The following ENTREP2 variants were observed in gnomAD, a reference collection of about 807,000 sequenced individuals.
The protein encoded by ENTREP2 is protein ENTREP2.
the ENTREP2 span, among the ~76,000 whole-genome samples, chr15:29,399,137 C>A: frequency 2.0e-5 from 3 of 152,332 alleles, no homozygotes; most frequent in African/African-American, 4.8e-5. Context: ...CTGAGTCACA[C>A]AACCCCCAAA....
At chr15:29,320,964 A>T in the ENTREP2 span, among the ~76,000 whole-genome samples, 2 of 152,232 alleles carry the variant, frequency 1.3e-5, no homozygotes, top group African/African-American at 2.4e-5. Context: ...GGAATAGATG[A>T]CACATCTAAA....
At chr15:29,600,612 T>C in the ENTREP2 span, among the ~76,000 whole-genome samples, 1 of 152,150 alleles carries the variant, frequency 6.6e-6, no homozygotes, top group African/African-American at 2.4e-5. Flanking sequence ...TATCATATCA[T>C]GATGTCTTAT....
chr15:29,471,631 G>A, the ENTREP2 span, among the ~76,000 whole-genome samples: 2 of 152,282 alleles, frequency 1.3e-5, no homozygotes, highest in South Asian at 2.1e-4. Flanking sequence ...ACGGCAGCAC[G>A]GGGGCCAAGG....
the ENTREP2 span, among the ~76,000 whole-genome samples, chr15:29,302,829 G>A: frequency 6.6e-6 from 1 of 152,082 alleles, no homozygotes; most frequent in Admixed American, 6.5e-5. Flanking sequence ...TTTACCTATT[G>A]TTTATTCTCC....
the ENTREP2 span, among the ~76,000 whole-genome samples, chr15:29,214,016 G>C: frequency 6.4e-5 from 9 of 140,684 alleles, no homozygotes; most frequent in Non-Finnish European, 1.3e-4. Context: ...TTAGAATGGC[G>C]ATCATTAAAA....
At chr15:29,182,186 G>C in the ENTREP2 span, among the ~76,000 whole-genome samples, 1 of 151,018 alleles carries the variant, frequency 6.6e-6, no homozygotes, top group Non-Finnish European at 1.5e-5. Flanking sequence ...CTGCAGTGGC[G>C]CTATCTCAGC....
the ENTREP2 span, among the ~76,000 whole-genome samples, chr15:29,528,095 T>G: frequency 4.6e-5 from 7 of 152,224 alleles, no homozygotes; most frequent in South Asian, 1.0e-3. Context: ...TCCATGATCC[T>G]TGCCCTGGGG....
the ENTREP2 span, among the ~76,000 whole-genome samples, chr15:29,533,846 C>T: frequency 8.9e-4 from 135 of 152,202 alleles, 1 homozygote; most frequent in African/African-American, 3.2e-3. Context: ...GGAAATACCA[C>T]TCATGCCTGC....
the ENTREP2 span, among the ~76,000 whole-genome samples, chr15:29,371,958 ACAAT>A: frequency 6.6e-6 from 1 of 152,160 alleles, no homozygotes; most frequent in Non-Finnish European, 1.5e-5. Context: ...ATAAAGAGAT[ACAAT>A]CAAAGAATTA....
chr15:29,259,995 C>T, the ENTREP2 span, among the ~76,000 whole-genome samples: 1 of 152,100 alleles, frequency 6.6e-6, no homozygotes, highest in Admixed American at 6.5e-5. Flanking sequence ...CTTTGTGTAT[C>T]TCTGGCAGAA....
chr15:29,665,940 G>A, the ENTREP2 span, among the ~76,000 whole-genome samples: 4 of 144,728 alleles, frequency 2.8e-5, no homozygotes, highest in African/African-American at 1.0e-4. Context: ...TACAACCTTC[G>A]CCTCCCGGGT....
At chr15:29,434,814 A>G in the ENTREP2 span, among the ~76,000 whole-genome samples, 1 of 152,154 alleles carries the variant, frequency 6.6e-6, no homozygotes, top group Non-Finnish European at 1.5e-5. Context: ...TTAGACGGTG[A>G]AAAAAGTCTT....
chr15:29,223,119 A>G, the ENTREP2 span, among the ~76,000 whole-genome samples: 9 of 152,200 alleles, frequency 5.9e-5, no homozygotes, highest in African/African-American at 1.9e-4. Flanking sequence ...CTGACTGGTC[A>G]CCTGACGGCC....
chr15:29,628,419 T>C, the ENTREP2 span, among the ~76,000 whole-genome samples: 4 of 152,198 alleles, frequency 2.6e-5, no homozygotes, highest in Admixed American at 1.3e-4. Flanking sequence ...TGTGAAGGTT[T>C]GTTTTTTATG....
At chr15:29,135,561 C>CT in the ENTREP2 span, among the ~76,000 whole-genome samples, 2 of 152,202 alleles carry the variant, frequency 1.3e-5, no homozygotes, top group African/African-American at 4.8e-5. This position sits in a 1 kb window ranked among gnomAD's most constrained non-coding sequence, Gnocchi z 7.4. Flanking sequence ...AAAAGGGTGA[C>CT]TGACTTGCTG....
the ENTREP2 span, among the ~76,000 whole-genome samples, chr15:29,215,576 TAATA>T: frequency 8.8e-6 from 1 of 113,576 alleles, no homozygotes; most frequent in African/African-American, 3.2e-5. Flanking sequence ...CAAATATATA[TAATA>T]TATATATATA....
the ENTREP2 span, among the ~76,000 whole-genome samples, chr15:29,392,922 A>C: frequency 1.7e-3 from 261 of 152,320 alleles, 1 homozygote; most frequent in African/African-American, 5.9e-3. Flanking sequence ...TTGTCTCTGC[A>C]CTGTGTCTAA....
the ENTREP2 span, among the ~76,000 whole-genome samples, chr15:29,200,900 A>G: frequency 6.6e-6 from 1 of 152,098 alleles, no homozygotes; most frequent in African/African-American, 2.4e-5. Flanking sequence ...AAATGGACAT[A>G]TTTACTACAT....
At chr15:29,246,737 C>T in the ENTREP2 span, among the ~76,000 whole-genome samples, 1 of 151,908 alleles carries the variant, frequency 6.6e-6, no homozygotes, top group Non-Finnish European at 1.5e-5. Flanking sequence ...TTCATTTTAG[C>T]AAAAGACTAG....
Sources: allele counts gnomAD v4.1 joint callset (sites outside exome capture counted in the v4.1 genomes callset), GRCh38; gene constraint gnomAD v4.1.1; non-coding constraint Gnocchi (gnomAD v3.1); transcripts MANE v1.5; gene names NCBI Gene and HGNC (gene_info 2026-07-23, HGNC 2026-07-21).